Variants in RYR1 observed in about 807,000 individuals in gnomAD.
RYR1 encodes the protein ryanodine receptor 1.
A neutral mutation model predicts 583.5 loss-of-function variants in RYR1; 342 were observed. The ratio of observed to expected loss-of-function variants is 0.59; its 90% CI spans 0.54 to 0.64. The LOEUF (loss-of-function observed/expected upper bound fraction) is 0.64, where lower values mean the gene tolerates loss of function less well. Among genes scored for constraint, RYR1 ranks in the 30% least tolerant of loss-of-function variants. RYR1 has a pLI of 0.00. For synonymous variants in RYR1, 2,791 were observed against 2,822.5 expected (o/e 0.99, Z 0.35); for missense variants, 6,032 against 6,917.2 (o/e 0.87, Z 4.54).
At chr19:38,514,649 T>C (rs1970875893) in intron 63 of RYR1, among the ~76,000 whole-genome samples, 2 of 152,116 alleles carry the variant, frequency 1.3e-5, no homozygotes, top group Non-Finnish European at 2.9e-5. Flanking sequence ...CAGTTCTGTT[T>C]GCATTTTTCT....
At chr19:38,453,069 T>A in intron 13 of RYR1, 55 bp downstream of exon 13, 1 of 1,537,198 alleles carries the variant, frequency 6.5e-7, no homozygotes, top group Non-Finnish European at 8.9e-7. Flanking sequence ...GCGGGACCAC[T>A]GAGGGGCGGG....
At chr19:38,571,088 T>C (rs1307118796) in intron 94 of RYR1, among the ~76,000 whole-genome samples, 1 of 152,182 alleles carries the variant, frequency 6.6e-6, no homozygotes. Context: ...AATGGGCCAC[T>C]CACAGAATGG....
intron 31 of RYR1, among the ~76,000 whole-genome samples, chr19:38,479,807 C>G (rs1183435888): frequency 6.6e-6 from 1 of 152,012 alleles, no homozygotes; most frequent in Non-Finnish European, 1.5e-5. Context: ...CCACAACCTT[C>G]CTGGACTCAA....
At position 38,586,015 on chromosome 19, in the gene RYR1, T is replaced by G; in HGVS notation, c.14868+13T>G. 1 of 1,614,060 alleles carries G rather than the reference T, an allele frequency of 6.2e-7. No individual in the cohort carries two copies. Among genetic ancestry groups the G allele is most frequent in the Non-Finnish European group, 8.5e-7 (1 of 1,179,988 alleles). Reference sequence around the variant, plus strand: ...GGAGGATATGGAGGTAGGTCATGTCTGGGGGTGACCCAGAGGGATTACGGG... The same window carrying G: ...GGAGGATATGGAGGTAGGTCATGTCGGGGGGTGACCCAGAGGGATTACGGG... On this transcript the variant is annotated intron_variant, in intron 103 of 105. Coordinates refer to ENST00000359596, the MANE Select transcript of RYR1 (RefSeq NM_000540.3).
In RYR1 at chr19:38,496,563, G is replaced by T; in HGVS notation, c.6796+22G>T. On this transcript the variant is annotated intron_variant, in intron 41 of 105. Coordinates refer to ENST00000359596, the MANE Select transcript of RYR1 (RefSeq NM_000540.3). The surrounding 1 kb of genome is among the most constrained non-coding windows in gnomAD (Gnocchi z 4.8). ...CTGGGTGAGAACCCCCGAGCCCAGG[G>T]GCTGTCCCCCAGAACCCACTCCTGG... is the stretch of plus-strand genomic sequence containing the variant. The T allele has an allele frequency of 6.2e-7, 1 of 1,612,908 alleles. No homozygotes were observed. Among genetic ancestry groups the T allele is most frequent in the South Asian group, 1.1e-5 (1 of 91,076 alleles).
intron 67 of RYR1, among the ~76,000 whole-genome samples, chr19:38,520,786 A>G (rs1013284344): frequency 1.0e-4 from 15 of 150,698 alleles, no homozygotes; most frequent in African/African-American, 3.7e-4. Flanking sequence ...ATATAGTTCA[A>G]TTTTTCAATC....
At chr19:38,529,930 G>C (rs1971656181) in intron 76 of RYR1, among the ~76,000 whole-genome samples, 1 of 152,086 alleles carries the variant, frequency 6.6e-6, no homozygotes, top group Non-Finnish European at 1.5e-5. Flanking sequence ...TCTCCTTTGT[G>C]TGGATAAGGG....
intron 28 of RYR1, among the ~76,000 whole-genome samples, chr19:38,474,638 G>A (rs549703430): frequency 2.7e-4 from 35 of 130,312 alleles, no homozygotes; most frequent in Non-Finnish European, 2.0e-4. Context: ...GCAATGGCAC[G>A]ATCTTGGCTC....
intron 1 of RYR1, among the ~76,000 whole-genome samples, chr19:38,436,304 C>T (rs1972424513): frequency 6.6e-6 from 1 of 150,968 alleles, no homozygotes. Context: ...ACTTCCCAGG[C>T]TCCAGTGATC....
chr19:38,503,169 A>G (rs975625727), intron 49 of RYR1, among the ~76,000 whole-genome samples, 199 bp downstream of exon 49: 6 of 152,250 alleles, frequency 3.9e-5, no homozygotes, highest in African/African-American at 1.4e-4. Context: ...TGCTTCATTG[A>G]TGCCTCTAGC....
chr19:38,456,916 G>A (rs1196994640), intron 16 of RYR1, among the ~76,000 whole-genome samples: 1 of 151,572 alleles, frequency 6.6e-6, no homozygotes, highest in Admixed American at 6.6e-5. Context: ...CATGGTGGCA[G>A]GCGCCTGTAG....
intron 99 of RYR1, among the ~76,000 whole-genome samples, chr19:38,578,486 G>GT (rs1432688375): frequency 2.0e-5 from 3 of 152,178 alleles, no homozygotes; most frequent in Non-Finnish European, 4.4e-5. Flanking sequence ...GGAGCCCAGA[G>GT]TTTGAGACCA....
intron 61 of RYR1, among the ~76,000 whole-genome samples, 197 bp from the exon 62 acceptor site, chr19:38,511,875 G>A (rs562777512): frequency 5.3e-5 from 8 of 152,254 alleles, no homozygotes; most frequent in Admixed American, 3.3e-4. Context: ...GCAGGAGGAA[G>A]GCCAGGAGAG....
intron 73 of RYR1, chr19:38,528,091 G>A: frequency 1.6e-6 from 1 of 633,008 alleles, no homozygotes; most frequent in Non-Finnish European, 2.8e-6. Flanking sequence ...GGCCTGGCTC[G>A]TGGTCCTGGC....
intron 24 of RYR1, 85 bp from the exon 25 acceptor site, chr19:38,467,525 C>T: frequency 7.0e-7 from 1 of 1,437,044 alleles, no homozygotes; most frequent in East Asian, 2.3e-5. Context: ...TACTGTCCCC[C>T]AAAGCCTGTC....
chr19:38,496,860 G>T lies in RYR1; in HGVS notation c.6797G>T (p.Gly2266Val). 6.2e-7 allele frequency: 1 copy of T among 1,613,178 alleles called. No homozygotes were observed. ...TTCTCCCCACCTCTCGCCCCTGCAG[G>T]CATGCAGGGCTCCACGCCCCTGGAC... ...YLLENSGIGL[G>V]MQGSTPLDVA... The change falls in exon 42 of 106, where the codon GGC (glycine) becomes GTC (valine). Residue 2266 changes from glycine (G) to valine (V), a missense_variant and splice_region_variant. Around this residue, in one of 11 missense-constraint regions of RYR1, gnomAD observed 2,627 missense variants for 2,961.3 expected, o/e 0.89. Coordinates refer to ENST00000359596, the MANE Select transcript of RYR1 (RefSeq NM_000540.3). This position sits in a 1 kb window ranked among gnomAD's most constrained non-coding sequence, Gnocchi z 4.8.
chr19:38,537,962 TGAGGA>T lies in RYR1; in HGVS notation c.11689+4_11689+8del. 6.2e-7 allele frequency: 1 copy of T among 1,609,154 alleles called. No individual in the cohort carries two copies. The highest frequency in any genetic ancestry group is 8.5e-7 in the Non-Finnish European group (1 of 1,176,864). On this transcript the variant is annotated splice_donor_5th_base_variant and intron_variant, in intron 84 of 105. Coordinates refer to ENST00000359596, the MANE Select transcript of RYR1 (RefSeq NM_000540.3). ...TGCTCTGTGAGGGGCACAATAATGG[TGAGGA>T]GGAGGGGTGTGGGGTGGAGGGGAAG...
chr19:38,543,865 A>G lies in RYR1; in HGVS notation c.12002A>G (p.Lys4001Arg), dbSNP rs1339166347. ...CACGTGTTCGCCCACATGATGATGAAGCTCGCTCAGGTTCGAGCCCCTCTG... is the reference window on the plus strand; with the variant it reads ...CACGTGTTCGCCCACATGATGATGAGGCTCGCTCAGGTTCGAGCCCCTCTG... Reference protein sequence around the residue: ...FLHVFAHMMMKLAQDSSQIEL... With the variant: ...FLHVFAHMMMRLAQDSSQIEL... Residue 4001 changes from lysine to arginine, a missense_variant, in exon 87 of 106, where the codon AAG becomes AGG. Physicochemically the swap from Lys to Arg is conservative, Grantham distance 26 (BLOSUM62 2). Transcript: ENST00000359596. This position sits in a 1 kb window ranked among gnomAD's most constrained non-coding sequence, Gnocchi z 4.4. 6.2e-7 allele frequency: 1 copy of G among 1,613,202 alleles called. No homozygotes were observed. Among genetic ancestry groups the G allele is most frequent in the Non-Finnish European group, 8.5e-7 (1 of 1,179,988 alleles).
chr19:38,455,569 G>T, intron 15 of RYR1, 23 bp downstream of exon 15: 1 of 1,613,552 alleles, frequency 6.2e-7, no homozygotes. Context: ...GGGGGAGTGG[G>T]ACAGAGGCTT....
Sources: allele counts gnomAD v4.1 joint callset (sites outside exome capture counted in the v4.1 genomes callset), GRCh38; gene constraint gnomAD v4.1.1; regional missense constraint gnomAD v4.1.1; non-coding constraint Gnocchi (gnomAD v3.1); transcripts MANE v1.5; gene names NCBI Gene and HGNC (gene_info 2026-07-23, HGNC 2026-07-21).